Variants in KLF12 observed in about 807,000 individuals in gnomAD.
The protein encoded by KLF12 is KLF transcription factor 12.
In KLF12, 9 loss-of-function variants were observed where a neutral mutation model predicts 37.8. The ratio of observed to expected loss-of-function variants is 0.24; its 90% CI spans 0.14 to 0.42. KLF12 has a LOEUF of 0.42. Among genes scored for constraint, KLF12 ranks in the 10% least tolerant of loss-of-function variants. KLF12 has a pLI of 1.00. For missense variants in KLF12, 411 were observed against 516.0 expected, an observed-to-expected ratio of 0.80 and a Z score of 1.97; for synonymous variants, 208 against 202.1, an observed-to-expected ratio of 1.03 and a Z score of -0.25.
At chr13:74,168,418 G>A in the KLF12 span, among the ~76,000 whole-genome samples, 131 of 152,250 alleles carry the variant, frequency 8.6e-4, 1 homozygote, top group Non-Finnish European at 1.1e-3. Context: ...ATGTTTACTT[G>A]CGTGTGCCTA....
Position 73,928,378 on chromosome 13 carries a change from C to A in KLF12, c.123+15603G>T, listed in dbSNP as rs191470527. On this transcript the variant is annotated intron_variant, in intron 3 of 7. Transcript: ENST00000377669. The stretch of plus-strand genomic sequence containing the variant: ...TATGTTTTCATGTGATACATGGTGA[C>A]CACAATACTCTATTCCATCTTCTCA... Among the ~76,000 whole-genome samples, 6 of 152,262 alleles carry A rather than the reference C, an allele frequency of 3.9e-5. 1 individual carries two copies. Among genetic ancestry groups the A allele is most frequent in the Admixed American group, 2.6e-4 (4 of 15,286 alleles).
the KLF12 span, among the ~76,000 whole-genome samples, chr13:74,239,059 C>T: frequency 6.7e-6 from 1 of 148,206 alleles, no homozygotes; most frequent in East Asian, 2.0e-4. Flanking sequence ...ATCTTTCCTG[C>T]TTTCTCTTGT....
chr13:74,232,836 G>A, the KLF12 span, among the ~76,000 whole-genome samples: 2 of 152,098 alleles, frequency 1.3e-5, no homozygotes, highest in Non-Finnish European at 2.9e-5. Context: ...AAAGTGATAG[G>A]TATACAGTGA....
At chr13:74,250,025 A>G in the KLF12 span, among the ~76,000 whole-genome samples, 3 of 152,242 alleles carry the variant, frequency 2.0e-5, no homozygotes, top group South Asian at 4.1e-4. Context: ...AATGAGACAC[A>G]TTGAGACATA....
intron 3 of KLF12, among the ~76,000 whole-genome samples, chr13:73,894,609 TTCAA>T (rs1056488624): frequency 1.4e-4 from 21 of 152,364 alleles, no homozygotes; most frequent in Non-Finnish European, 2.6e-4. Context: ...ATTTGAGGTA[TTCAA>T]TCAATTTCTC....
chr13:74,244,655 C>CA, the KLF12 span, among the ~76,000 whole-genome samples: 244 of 152,314 alleles, frequency 1.6e-3, 2 homozygotes, highest in African/African-American at 5.8e-3. Flanking sequence ...GTTTTGGGGG[C>CA]ATAGCCTGAA....
At chr13:73,939,788 G>C (rs541195273) in intron 3 of KLF12, among the ~76,000 whole-genome samples, 2 of 152,274 alleles carry the variant, frequency 1.3e-5, no homozygotes, top group African/African-American at 4.8e-5. Flanking sequence ...GTACCAGGCT[G>C]AATACCATCT....
the KLF12 span, among the ~76,000 whole-genome samples, chr13:74,167,478 T>A: frequency 6.6e-6 from 1 of 152,334 alleles, no homozygotes; most frequent in South Asian, 2.1e-4. Flanking sequence ...GAAATATTTT[T>A]AAAAATCTAC....
chr13:74,291,008 C>T, the KLF12 span, among the ~76,000 whole-genome samples: 28 of 152,208 alleles, frequency 1.8e-4, no homozygotes, highest in African/African-American at 6.8e-4. Flanking sequence ...AAACTTATTC[C>T]ACTTATTCTA....
intron 3 of KLF12, among the ~76,000 whole-genome samples, chr13:73,856,726 T>C (rs1217064199): frequency 6.6e-6 from 1 of 152,216 alleles, no homozygotes; most frequent in Non-Finnish European, 1.5e-5. Context: ...CAGTGGCTCA[T>C]GCCTGTAATC....
the KLF12 span, among the ~76,000 whole-genome samples, chr13:74,208,042 A>G: frequency 1.3e-5 from 2 of 152,340 alleles, no homozygotes; most frequent in African/African-American, 4.8e-5. Flanking sequence ...AAGAATTTAC[A>G]GAATGAAGGA....
At chr13:74,284,574 T>G in the KLF12 span, among the ~76,000 whole-genome samples, 1 of 152,176 alleles carries the variant, frequency 6.6e-6, no homozygotes, top group Non-Finnish European at 1.5e-5. Flanking sequence ...TCTTCCTTTA[T>G]GGAGTAGTAG....
intron 6 of KLF12, among the ~76,000 whole-genome samples, chr13:73,726,804 T>C (rs932326788): frequency 6.6e-6 from 1 of 152,252 alleles, no homozygotes; most frequent in Non-Finnish European, 1.5e-5. Context: ...GTTACATACC[T>C]AAGAGTAGAA....
chr13:74,189,539 G>C, the KLF12 span, among the ~76,000 whole-genome samples: 2 of 152,130 alleles, frequency 1.3e-5, no homozygotes. Context: ...TGCTAACTGT[G>C]GGAAGAGGAA....
chr13:73,867,064 T>C (rs1242615676), intron 3 of KLF12, among the ~76,000 whole-genome samples: 2 of 151,816 alleles, frequency 1.3e-5, no homozygotes, highest in Non-Finnish European at 2.9e-5. Flanking sequence ...AATTTTAAAA[T>C]ATCAGGAAAA....
intron 7 of KLF12, among the ~76,000 whole-genome samples, chr13:73,698,971 T>C (rs1454134894): frequency 6.6e-6 from 1 of 152,182 alleles, no homozygotes; most frequent in East Asian, 1.9e-4. Context: ...GGATCCTCGA[T>C]TCAAATTCTA....
At chr13:74,286,820 C>T in the KLF12 span, among the ~76,000 whole-genome samples, 1 of 152,100 alleles carries the variant, frequency 6.6e-6, no homozygotes, top group Admixed American at 6.5e-5. Flanking sequence ...ATTTTCTCAT[C>T]GTGAATGGAT....
chr13:74,184,832 A>G, the KLF12 span, among the ~76,000 whole-genome samples: 2 of 152,232 alleles, frequency 1.3e-5, no homozygotes, highest in African/African-American at 4.8e-5. Context: ...TTTTATTTAA[A>G]AAATATTTAA....
At chr13:73,834,570 G>A in intron 4 of KLF12, among the ~76,000 whole-genome samples, 1 of 151,838 alleles carries the variant, frequency 6.6e-6, no homozygotes, top group African/African-American at 2.4e-5. Context: ...GGGTGCAGTG[G>A]TATGATCTCG....
Sources: allele counts gnomAD v4.1 joint callset (sites outside exome capture counted in the v4.1 genomes callset), GRCh38; gene constraint gnomAD v4.1.1; transcripts MANE v1.5; gene names NCBI Gene and HGNC (gene_info 2026-07-23, HGNC 2026-07-21).